The following ANK3 variants were observed in gnomAD, a reference collection of about 807,000 sequenced individuals.
ANK3 encodes the protein ankyrin-3.
A neutral mutation model predicts 370.9 loss-of-function variants in ANK3; 57 were observed. That is an observed-to-expected ratio of 0.15 (90% CI 0.12 to 0.19). ANK3 has a LOEUF of 0.19. Ranked by LOEUF, ANK3 falls within the 10% of genes least tolerant of loss-of-function variation. The pLI, the probability that ANK3 is intolerant of heterozygous loss-of-function variation, is 1.00. For synonymous variants in ANK3, 1,929 were observed against 1,946.3 expected, an observed-to-expected ratio of 0.99 and a Z score of 0.23; for missense variants, 4,439 against 5,302.1, an observed-to-expected ratio of 0.84 and a Z score of 5.06.
At chr10:60,153,069 T>TA (rs2095206934) in intron 23 of ANK3, among the ~76,000 whole-genome samples, 1 of 152,230 alleles carries the variant, frequency 6.6e-6, no homozygotes, top group East Asian at 1.9e-4. Flanking sequence ...ACAACCCACA[T>TA]TCTCATCAAC....
chr10:60,126,456 C>A (rs949560982), intron 25 of ANK3, among the ~76,000 whole-genome samples: 2 of 152,044 alleles, frequency 1.3e-5, no homozygotes, highest in African/African-American at 4.8e-5. Context: ...GAGGCAGAGG[C>A]GGGTGGATCA....
chr10:60,359,774 G>C (rs1047475799), intron 1 of ANK3, among the ~76,000 whole-genome samples: 2 of 152,116 alleles, frequency 1.3e-5, no homozygotes, highest in African/African-American at 4.8e-5. Context: ...ATTCTAGACT[G>C]GGTGACAGAG....
intron 32 of ANK3, chr10:60,084,165 G>C (rs1366247902): frequency 6.5e-6 from 1 of 154,092 alleles, no homozygotes; most frequent in Non-Finnish European, 1.4e-5. Flanking sequence ...CCAGCGCTTT[G>C]GGAGGCCAAG....
At chr10:60,669,009 T>C (rs1204408204) in intron 1 of ANK3, among the ~76,000 whole-genome samples, 1 of 151,936 alleles carries the variant, frequency 6.6e-6, no homozygotes, top group Non-Finnish European at 1.5e-5. Context: ...AAAAAAATTA[T>C]TCAAACACAA....
intron 2 of ANK3, among the ~76,000 whole-genome samples, chr10:60,568,654 TTATTAAG>T: frequency 6.6e-6 from 1 of 152,308 alleles, no homozygotes; most frequent in South Asian, 2.1e-4. Flanking sequence ...ATCACATGAT[TTATTAAG>T]CACACCTAAG....
intron 12 of ANK3, among the ~76,000 whole-genome samples, chr10:60,200,931 C>T (rs551581949): frequency 6.6e-6 from 1 of 152,216 alleles, no homozygotes; most frequent in East Asian, 1.9e-4. Flanking sequence ...TACTTTTTCA[C>T]CAAATAGATT....
chr10:60,164,479 C>T (rs1591092390), intron 23 of ANK3, among the ~76,000 whole-genome samples: 1 of 139,250 alleles, frequency 7.2e-6, no homozygotes, highest in Non-Finnish European at 1.6e-5. Flanking sequence ...AAGGAGGTAG[C>T]AATGATATAC....
At chr10:60,202,590 A>G (rs1253178062) in intron 12 of ANK3, among the ~76,000 whole-genome samples, 1 of 152,230 alleles carries the variant, frequency 6.6e-6, no homozygotes, top group Admixed American at 6.5e-5. Flanking sequence ...AAGTAGTCAT[A>G]TTAATTACAT....
intron 2 of ANK3, among the ~76,000 whole-genome samples, chr10:60,494,653 A>C (rs543817989): frequency 6.6e-6 from 1 of 152,306 alleles, no homozygotes; most frequent in African/African-American, 2.4e-5. Flanking sequence ...ATTTTTAAAA[A>C]ATTGAGTGAC....
At chr10:60,613,101 A>G in intron 2 of ANK3, among the ~76,000 whole-genome samples, 1 of 152,192 alleles carries the variant, frequency 6.6e-6, no homozygotes, top group East Asian at 1.9e-4. Context: ...TTGAGATATG[A>G]CAGCCTATAT....
chr10:60,353,413 CCT>C (rs1491125183), intron 1 of ANK3, among the ~76,000 whole-genome samples: 7 of 151,956 alleles, frequency 4.6e-5, no homozygotes, highest in Non-Finnish European at 8.8e-5. Context: ...ATTATAAGCC[CCT>C]GTGTCAAACT....
chr10:60,316,205 C>T (rs1593582764), intron 1 of ANK3, among the ~76,000 whole-genome samples: 2 of 152,296 alleles, frequency 1.3e-5, no homozygotes, highest in East Asian at 3.9e-4. Flanking sequence ...CAAAGGCAGG[C>T]TCTGGGGCAG....
chr10:60,667,302 A>G (rs1237716311), intron 1 of ANK3, among the ~76,000 whole-genome samples: 1 of 150,750 alleles, frequency 6.6e-6, no homozygotes, highest in Non-Finnish European at 1.5e-5. Context: ...AGAATCCCCC[A>G]TTTCCTACTA....
chr10:60,240,123 C>CATATATATACACACAT, intron 7 of ANK3, among the ~76,000 whole-genome samples: 1 of 83,080 alleles, frequency 1.2e-5, no homozygotes, highest in East Asian at 3.5e-4. Context: ...TATATACACA[C>CATATATATACACACAT]ATATATATAC....
intron 7 of ANK3, among the ~76,000 whole-genome samples, chr10:60,252,869 G>T (rs1205099573): frequency 6.6e-6 from 1 of 152,200 alleles, no homozygotes; most frequent in Non-Finnish European, 1.5e-5. Context: ...AACGTGACTT[G>T]CAGTGACAGC....
At chr10:60,174,361 G>A (rs1276644009) in intron 18 of ANK3, among the ~76,000 whole-genome samples, 2 of 152,106 alleles carry the variant, frequency 1.3e-5, no homozygotes, top group Admixed American at 6.5e-5. Context: ...AACCTCTAAC[G>A]CTACTGAATA....
chr10:60,532,963 G>A (rs1409826052), intron 2 of ANK3, among the ~76,000 whole-genome samples: 1 of 151,960 alleles, frequency 6.6e-6, no homozygotes, highest in Non-Finnish European at 1.5e-5. Context: ...CCTGCTCGGG[G>A]CTGCAAACAG....
intron 42 of ANK3, among the ~76,000 whole-genome samples, chr10:60,054,912 G>A (rs1163515473): frequency 1.3e-5 from 2 of 152,158 alleles, no homozygotes; most frequent in Non-Finnish European, 2.9e-5. Flanking sequence ...ATCCACGTAT[G>A]AGTCATCATT....
At chr10:60,474,953 T>G (rs1422729061) in intron 2 of ANK3, among the ~76,000 whole-genome samples, 1 of 152,142 alleles carries the variant, frequency 6.6e-6, no homozygotes, top group Non-Finnish European at 1.5e-5. Flanking sequence ...TTTTAAAATA[T>G]CTAAAAGAGA....
Sources: allele counts gnomAD v4.1 joint callset (sites outside exome capture counted in the v4.1 genomes callset), GRCh38; gene constraint gnomAD v4.1.1; transcripts MANE v1.5; gene names NCBI Gene and HGNC (gene_info 2026-07-23, HGNC 2026-07-21).